Variants in WNK1 observed in about 807,000 individuals in gnomAD.
The protein encoded by WNK1 is serine/threonine-protein kinase WNK1.
WNK1 carries 38 observed loss-of-function variants against 222.8 expected under a neutral mutation model. That is an observed-to-expected ratio of 0.17 (90% CI 0.13 to 0.22). The LOEUF (loss-of-function observed/expected upper bound fraction) is 0.22. WNK1 is among the 10% of genes least tolerant of loss of function. The pLI is 1.00. For missense variants in WNK1, 2,348 were observed against 2,918.4 expected, an observed-to-expected ratio of 0.80 and a Z score of 4.50; for synonymous variants, 1,090 against 1,092.9, an observed-to-expected ratio of 1.00 and a Z score of 0.05.
In WNK1 at chr12:786,101, CTA is replaced by C. The variant is rs199729941; in HGVS notation, c.760-27539_760-27538del. ...GTATGCTGTTGTAAAAATTGAAGTT[CTA>C]TGTTTATTTGAAAATAGTATTTATT... On this transcript the variant is annotated intron_variant, in intron 1 of 27. Coordinates refer to ENST00000315939, the MANE Select transcript of WNK1 (RefSeq NM_018979.4). 8.1e-3 allele frequency among the ~76,000 whole-genome samples: 1,237 copies of C among 152,046 alleles called. 5 individuals are homozygous for C. The highest frequency in any genetic ancestry group is 0.013 in the Non-Finnish European group (898 of 67,956).
rs1948474078 is a variant in WNK1 at position 827,778 on chromosome 12, C to T, written c.1153+516C>T. 1.3e-5 allele frequency among the ~76,000 whole-genome samples: 2 copies of T among 152,206 alleles called. No homozygotes were observed. Among genetic ancestry groups the T allele is most frequent in the East Asian group, 1.9e-4 (1 of 5,150 alleles). On this transcript the variant is annotated intron_variant, in intron 3 of 27. Coordinates refer to ENST00000315939, the MANE Select transcript of WNK1 (RefSeq NM_018979.4). This position sits in a 1 kb window ranked among gnomAD's most constrained non-coding sequence, Gnocchi z 4.6. ...TCCTGGCCTCAAGTGATCCACCTGCCTTGGCCTCCTAAAGTGTTGGGATTA... is the reference window on the plus strand; with the variant it reads ...TCCTGGCCTCAAGTGATCCACCTGCTTTGGCCTCCTAAAGTGTTGGGATTA...
At position 909,634 on chromosome 12, in the gene WNK1, A is replaced by G. The variant is rs1009340931; in HGVS notation, c.*842A>G. The G allele has an allele frequency of 2.6e-5, 4 of 152,174 alleles. No individual in the cohort carries two copies. Among genetic ancestry groups the G allele is most frequent in the Admixed American group, 1.3e-4 (2 of 15,274 alleles). 9.4% of individuals were successfully genotyped at this position (152,174 alleles called of 1,614,324 possible). On this transcript the variant is annotated 3_prime_UTR_variant, in exon 28 of 28. Coordinates refer to ENST00000315939, the MANE Select transcript of WNK1 (RefSeq NM_018979.4). ...TTAGATAAATAAATGTGAATGTAAA[A>G]TTGTATAAATTACTGTACTTGAATA... is the stretch of plus-strand genomic sequence containing the variant.
chr12:871,015 T>C (rs777154303), intron 8 of WNK1, among the ~76,000 whole-genome samples: 21 of 152,218 alleles, frequency 1.4e-4, no homozygotes, highest in African/African-American at 3.6e-4. Flanking sequence ...CTGAGCAGCA[T>C]TGACAGCTTA....
chr12:898,281 A>C (rs191035730), intron 25 of WNK1, among the ~76,000 whole-genome samples: 38 of 152,158 alleles, frequency 2.5e-4, no homozygotes, highest in Non-Finnish European at 4.6e-4. Flanking sequence ...TCAGGAGATC[A>C]AGACCATCCT....
intron 8 of WNK1, among the ~76,000 whole-genome samples, chr12:866,672 T>G (rs1951696263): frequency 6.6e-6 from 1 of 152,176 alleles, no homozygotes; most frequent in South Asian, 2.1e-4. Flanking sequence ...TAATGAATTA[T>G]TATAGTGTAT....
chr12:758,901 A>G (rs1180923467), intron 1 of WNK1, among the ~76,000 whole-genome samples: 2 of 147,472 alleles, frequency 1.4e-5, no homozygotes, highest in Non-Finnish European at 3.0e-5. Flanking sequence ...ACAAACCAGG[A>G]ATCTATTGTT....
At chr12:842,797 CTG>C (rs1419716180) in intron 4 of WNK1, among the ~76,000 whole-genome samples, 1 of 152,152 alleles carries the variant, frequency 6.6e-6, no homozygotes, top group Non-Finnish European at 1.5e-5. Flanking sequence ...GGAAGAGAAA[CTG>C]TAATTGAACA....
intron 1 of WNK1, among the ~76,000 whole-genome samples, chr12:775,921 A>G (rs1338014562): frequency 3.3e-5 from 5 of 152,212 alleles, no homozygotes; most frequent in Admixed American, 2.6e-4. Context: ...AGTGGAGCCT[A>G]GATCATTCTT....
intron 4 of WNK1, among the ~76,000 whole-genome samples, chr12:850,339 T>C (rs759899849): frequency 0.043 from 6,562 of 152,272 alleles, 249 homozygotes; most frequent in Middle Eastern, 0.11. Flanking sequence ...CATTTTTTCA[T>C]GTGTCTTTTG....
At chr12:801,423 TTG>T (rs367875366) in intron 1 of WNK1, among the ~76,000 whole-genome samples, 29,494 of 143,624 alleles carry the variant, frequency 0.21, 2,993 homozygotes, top group East Asian at 0.4. Flanking sequence ...CTTTTTTTCT[TTG>T]TGTGTGTGTG....
chr12:890,585 G>C, intron 22 of WNK1, 72 bp downstream of exon 22: 1 of 1,544,558 alleles, frequency 6.5e-7, no homozygotes, highest in Admixed American at 1.7e-5. Flanking sequence ...GAGGTTTACC[G>C]TTTCAAAGAC....
intron 2 of WNK1, among the ~76,000 whole-genome samples, chr12:821,001 T>C (rs1947817912): frequency 6.6e-6 from 1 of 151,550 alleles, no homozygotes; most frequent in South Asian, 2.1e-4. Context: ...TTCTTTATCA[T>C]GTTGAGGAAG....
In WNK1 at chr12:786,792, T is replaced by A. The variant is rs142949819; in HGVS notation, c.760-26850T>A. ...CTTTATCTTCTTTTTTATGTCATTT[T>A]AATTTTGATGTGTTTCTTATAAATA... On this transcript the variant is annotated intron_variant, in intron 1 of 27. Transcript: ENST00000315939. Among the ~76,000 whole-genome samples the A allele has an allele frequency of 3.4e-3, 523 of 152,314 alleles. 1 individual carries two copies. The highest frequency in any genetic ancestry group is 0.012 in the African/African-American group (498 of 41,568).
In WNK1 at chr12:878,267, C is replaced by T; in HGVS notation, c.2279C>T (p.Ser760Leu). ...CAACAGACAGTGCAGTATTCACTTT[C>T]ACAGACATCAACCTCCAGTGAGGCC... ...PPQQTVQYSL[S>L]QTSTSSEATT... The change falls in exon 10 of 28, where the codon TCA (serine) becomes TTA (leucine). Residue 760 changes from serine to leucine, a missense_variant. Physicochemically the swap from Ser to Leu is moderately radical, Grantham distance 145. Coordinates refer to ENST00000315939, the MANE Select transcript of WNK1 (RefSeq NM_018979.4). 6.2e-7 allele frequency: 1 copy of T among 1,614,130 alleles called. No homozygotes were observed. The highest frequency in any genetic ancestry group is 8.5e-7 in the Non-Finnish European group (1 of 1,180,012).
At chr12:867,927 T>C (rs1565547164) in intron 8 of WNK1, 2 of 1,613,976 alleles carry the variant, frequency 1.2e-6, no homozygotes, top group Admixed American at 1.7e-5. Context: ...CAGATATTTT[T>C]CCCAACTATT....
Position 882,058 on chromosome 12 carries a change from A to G in WNK1, c.3357A>G (p.Lys1119=). 4 of 1,612,850 alleles carry G rather than the reference A, an allele frequency of 2.5e-6. No individual in the cohort carries two copies. Among genetic ancestry groups the G allele is most frequent in the South Asian group, 1.1e-5 (1 of 90,876 alleles). Residue 1119 remains lysine, a synonymous_variant, in exon 14 of 28, where the codon AAA becomes AAG. Transcript: ENST00000315939. ...GACATGAAAAAACTTCACGCCCAAAATTAAGAATTTTGAATGTAAGTATTC... is the reference window on the plus strand; with the variant it reads ...GACATGAAAAAACTTCACGCCCAAAGTTAAGAATTTTGAATGTAAGTATTC... ...RSRHEKTSRP[K]LRILNVSNKG... is the part of the protein sequence containing the mutation.
In WNK1 at chr12:900,509, TGCACCCCCA is replaced by T; in HGVS notation, c.6486_6494del (p.His2162_Gln2164del). On this transcript the variant is annotated inframe_deletion, in exon 26 of 28. Transcript: ENST00000315939. Reference sequence around the variant, plus strand: ...TCTGGTCAGAGTGCAGCTTCAGTCTTGCACCCCCAGCAGACCCTCCACCCTCCTGGCAAC... The same window carrying T: ...TCTGGTCAGAGTGCAGCTTCAGTCTTGCAGACCCTCCACCCTCCTGGCAAC... 2 of 1,614,194 alleles carry T rather than the reference TGCACCCCCA, an allele frequency of 1.2e-6. No homozygotes were observed. The highest frequency in any genetic ancestry group is 1.7e-6 in the Non-Finnish European group (2 of 1,180,044).
At chr12:830,241 A>G (rs1948684604) in intron 4 of WNK1, 81 bp downstream of exon 4, 1 of 1,506,272 alleles carries the variant, frequency 6.6e-7, no homozygotes. Context: ...AAACCATGTA[A>G]AAGAGGACAA....
intron 4 of WNK1, among the ~76,000 whole-genome samples, chr12:835,552 CTG>C (rs755222530): frequency 3.3e-5 from 5 of 152,086 alleles, no homozygotes; most frequent in African/African-American, 4.8e-5. Flanking sequence ...TAATTATAAA[CTG>C]TGACCAAGCA....
Sources: gnomAD v4.1 joint callset for allele counts (sites outside exome capture counted in the v4.1 genomes callset) on GRCh38, gnomAD v4.1.1 for gene constraint, Gnocchi (gnomAD v3.1) non-coding constraint, MANE v1.5 for transcripts, NCBI Gene and HGNC (gene_info 2026-07-23, HGNC 2026-07-21) for gene names.